Variants in ZNF536 observed in about 807,000 individuals in gnomAD.
ZNF536 encodes zinc finger protein 536.
In ZNF536, 13 loss-of-function variants were observed where a neutral mutation model predicts 84.5. That is an observed-to-expected ratio of 0.15 (90% CI 0.10 to 0.24). ZNF536 has a LOEUF of 0.24. Ranked by LOEUF, ZNF536 falls within the 10% of genes least tolerant of loss-of-function variation. The pLI, the probability that ZNF536 is intolerant of heterozygous loss-of-function variation, is 1.00. For synonymous variants in ZNF536, 811 were observed against 742.5 expected (o/e 1.09, Z -1.50); for missense variants, 1,536 against 1,747.5 (o/e 0.88, Z 2.16).
At chr19:30,509,454 A>G (rs2055320489) in intron 2 of ZNF536, among the ~76,000 whole-genome samples, 1 of 148,076 alleles carries the variant, frequency 6.8e-6, no homozygotes, top group African/African-American at 2.5e-5. Context: ...TATATAATTT[A>G]TATATAATAT....
In ZNF536 at chr19:30,676,190, T is replaced by C. The variant is rs1374020102; in HGVS notation, c.170-34567T>C. On this transcript the variant is annotated intron_variant, in intron 1 of 1. Transcript: ENST00000592773. ...CTTTTGTTTTTAAACTTCAAACACT[T>C]TGGGAAATTCATTGACTCTTCATGT... Among the ~76,000 whole-genome samples the C allele has an allele frequency of 2.0e-5, 3 of 152,194 alleles. No homozygotes were observed. In the East Asian group the frequency reaches 5.8e-4, roughly 29 times the overall value.
intron 1 of ZNF536, among the ~76,000 whole-genome samples, chr19:30,616,431 G>A (rs1188930116): frequency 6.6e-6 from 1 of 152,064 alleles, no homozygotes; most frequent in African/African-American, 2.4e-5. Context: ...ATTTTTCTCT[G>A]ACATAATATT....
chr19:30,525,317 C>T (rs1422167097), intron 2 of ZNF536, among the ~76,000 whole-genome samples: 3 of 152,218 alleles, frequency 2.0e-5, no homozygotes, highest in East Asian at 1.9e-4. Context: ...GATGTTTTGA[C>T]GGTGCCCTGG....
chr19:30,440,681 G>A (rs1794415596), intron 1 of ZNF536, among the ~76,000 whole-genome samples: 1 of 152,206 alleles, frequency 6.6e-6, no homozygotes, highest in African/African-American at 2.4e-5. Flanking sequence ...GGGCTGGGGT[G>A]TCAGCCTCAG....
chr19:30,289,995 C>G (rs113185152), intron 2 of ZNF536, among the ~76,000 whole-genome samples: 39 of 152,162 alleles, frequency 2.6e-4, no homozygotes, highest in African/African-American at 8.2e-4. Flanking sequence ...CGTTTTGAAA[C>G]GGAAACTCTA....
intron 1 of ZNF536, among the ~76,000 whole-genome samples, chr19:30,579,067 G>A (rs1259983695): frequency 2.0e-5 from 3 of 152,144 alleles, no homozygotes; most frequent in Non-Finnish European, 4.4e-5. Flanking sequence ...CTTTAACCCT[G>A]TTTCTAAGAC....
chr19:30,568,180 G>A (rs890930423), intron 1 of ZNF536, among the ~76,000 whole-genome samples: 2 of 152,134 alleles, frequency 1.3e-5, no homozygotes, highest in South Asian at 2.1e-4. Context: ...GCAGACAGTA[G>A]GTAGCATTTT....
intron 1 of ZNF536, among the ~76,000 whole-genome samples, chr19:30,571,926 G>A (rs2046562267): frequency 6.6e-6 from 1 of 152,204 alleles, no homozygotes. Flanking sequence ...TAGAAGCAGA[G>A]ACAAGGGGTG....
At chr19:30,276,186 C>A (rs1398709763) in intron 1 of ZNF536, among the ~76,000 whole-genome samples, 1 of 152,058 alleles carries the variant, frequency 6.6e-6, no homozygotes, top group Non-Finnish European at 1.5e-5. Flanking sequence ...AAGGGGACAC[C>A]AAGTGTTTCA....
At chr19:30,386,449 T>A (rs1443294754) in intron 1 of ZNF536, among the ~76,000 whole-genome samples, 2 of 152,172 alleles carry the variant, frequency 1.3e-5, no homozygotes, top group African/African-American at 4.8e-5. Context: ...TGATCATGGG[T>A]CACTGAAGAG....
At chr19:30,272,376 T>C (rs1307710260) in intron 1 of ZNF536, among the ~76,000 whole-genome samples, 2 of 152,202 alleles carry the variant, frequency 1.3e-5, no homozygotes, top group African/African-American at 2.4e-5. Flanking sequence ...ATTAAATTTG[T>C]GTTAGTGTGG....
At chr19:30,287,788 G>A (rs1339576531) in intron 2 of ZNF536, among the ~76,000 whole-genome samples, 11 of 151,590 alleles carry the variant, frequency 7.3e-5, no homozygotes. Flanking sequence ...ATGGGTTGAT[G>A]GGTGGATGGG....
chr19:30,579,046 A>C (rs1266504117), intron 1 of ZNF536, among the ~76,000 whole-genome samples: 1 of 152,234 alleles, frequency 6.6e-6, no homozygotes, highest in African/African-American at 2.4e-5. Context: ...ATAAGATTAC[A>C]CATGTAAAGT....
At position 30,664,204 on chromosome 19, in the gene ZNF536, TTCTCTCTC is replaced by T. The variant is rs71173915; in HGVS notation, c.170-46502_170-46495del. On this transcript the variant is annotated intron_variant, in intron 1 of 1. Coordinates refer to the ZNF536 transcript ENST00000592773. ...TATCTAGAGGAATTCTTGCTGAGTT[TTCTCTCTC>T]TCTCTCTCTCTCTCTCTCTCTCTCT... Among the ~76,000 whole-genome samples the T allele has an allele frequency of 8.9e-3, 804 of 90,646 alleles. 5 individuals are homozygous for T. Among genetic ancestry groups the T allele is most frequent in the Middle Eastern group, 0.026 (4 of 156 alleles). 59.5% of individuals were successfully genotyped at this position (90,646 alleles called of 152,430 possible).
chr19:30,245,985 C>T (rs1437857272), intron 1 of ZNF536, among the ~76,000 whole-genome samples: 1 of 152,182 alleles, frequency 6.6e-6, no homozygotes, highest in Non-Finnish European at 1.5e-5. Flanking sequence ...TTGTTAGTCG[C>T]TCTGTGTTCT....
chr19:30,269,065 C>CA (rs1456827649), intron 1 of ZNF536, among the ~76,000 whole-genome samples: 2 of 152,238 alleles, frequency 1.3e-5, no homozygotes, highest in Admixed American at 1.3e-4. Context: ...ACTGAGGAAA[C>CA]ACTCACGGTC....
chr19:30,333,200 A>G (rs1345382543), intron 2 of ZNF536, among the ~76,000 whole-genome samples: 1 of 152,156 alleles, frequency 6.6e-6, no homozygotes, highest in African/African-American at 2.4e-5. Context: ...TAAATAAGGA[A>G]ATAATATTTG....
chr19:30,458,630 T>G (rs747528499), intron 2 of ZNF536, among the ~76,000 whole-genome samples: 16 of 151,834 alleles, frequency 1.1e-4, no homozygotes, highest in Non-Finnish European at 2.1e-4. Flanking sequence ...TTTTGTATTT[T>G]TAGTAAAGAT....
chr19:30,586,775 T>C (rs1040935000), intron 1 of ZNF536, among the ~76,000 whole-genome samples: 2 of 152,240 alleles, frequency 1.3e-5, no homozygotes, highest in Non-Finnish European at 2.9e-5. Context: ...TGCAGTCTTG[T>C]AGTCCAAGAA....
Sources: allele counts gnomAD v4.1 joint callset (sites outside exome capture counted in the v4.1 genomes callset), GRCh38; gene constraint gnomAD v4.1.1; transcripts MANE v1.5; gene names NCBI Gene and HGNC (gene_info 2026-07-23, HGNC 2026-07-21).